TMEM74: variants seen among roughly 807,000 people sequenced by gnomAD.
The protein encoded by TMEM74 is transmembrane protein 74.
In TMEM74, 13 loss-of-function variants were observed where a neutral mutation model predicts 18.1. That is an observed-to-expected ratio of 0.72 (90% CI 0.47 to 1.14). The LOEUF (loss-of-function observed/expected upper bound fraction) is 1.14, where lower values mean the gene tolerates loss of function less well. TMEM74 is among the 50% of genes most tolerant of loss of function. TMEM74 has a pLI of 0.00. For missense variants in TMEM74, 372 were observed against 375.9 expected (o/e 0.99, Z 0.09); for synonymous variants, 159 against 146.6 (o/e 1.08, Z -0.61).
intron 1 of TMEM74, among the ~76,000 whole-genome samples, chr8:108,717,458 G>C (rs558231964): frequency 9.2e-5 from 14 of 152,058 alleles, no homozygotes; most frequent in Non-Finnish European, 1.6e-4. Flanking sequence ...GAGACCAAAA[G>C]GACAAAAATC....
chr8:108,756,810 AAGG>A (rs1813980916), intron 1 of TMEM74, among the ~76,000 whole-genome samples: 1 of 150,164 alleles, frequency 6.7e-6, no homozygotes, highest in Non-Finnish European at 1.5e-5. Flanking sequence ...GGAAGGAAGG[AAGG>A]AAGGAAGGAA....
intron 1 of TMEM74, among the ~76,000 whole-genome samples, chr8:108,755,822 T>A (rs1813953792): frequency 6.6e-6 from 1 of 152,046 alleles, no homozygotes. Context: ...TTAATAACAA[T>A]GTAAATTTAT....
chr8:108,786,502 T>C (rs940630681), intron 1 of TMEM74, among the ~76,000 whole-genome samples: 2 of 152,126 alleles, frequency 1.3e-5, no homozygotes, highest in African/African-American at 4.8e-5. Flanking sequence ...ACTCAAAATA[T>C]GGGAGAGGGA....
At chr8:108,730,677 G>C (rs1192006711) in intron 1 of TMEM74, among the ~76,000 whole-genome samples, 1 of 142,682 alleles carries the variant, frequency 7.0e-6, no homozygotes, top group Non-Finnish European at 1.5e-5. Flanking sequence ...TCTGTCACCA[G>C]GTTGGAATGC....
At chr8:108,710,134 A>G (rs775737559) in intron 1 of TMEM74, among the ~76,000 whole-genome samples, 5 of 152,268 alleles carry the variant, frequency 3.3e-5, no homozygotes, top group Non-Finnish European at 5.9e-5. Context: ...TGCCTAGCAC[A>G]CTGACTGGCA....
At chr8:108,746,127 T>G (rs1263304374) in intron 1 of TMEM74, among the ~76,000 whole-genome samples, 1 of 152,144 alleles carries the variant, frequency 6.6e-6, no homozygotes, top group African/African-American at 2.4e-5. Flanking sequence ...CGGCTCGTCC[T>G]GCTTCAACTC....
rs74744203 is a variant in TMEM74, at chr8:108,706,642, T to C, written n.120-51205A>G. On this transcript the variant is annotated intron_variant and non_coding_transcript_variant, in intron 1 of 3. Transcript: ENST00000518838. ...TAATTATCCTTCTATTTAAAGCTGA[T>C]GTTTATTACATTCCATTATTCATAA... 2.6e-3 allele frequency among the ~76,000 whole-genome samples: 389 copies of C among 152,338 alleles called. 2 individuals carry two copies. Among genetic ancestry groups the C allele is most frequent in the African/African-American group, 8.5e-3 (352 of 41,580 alleles).
At position 108,673,096 on chromosome 8, in the gene TMEM74, G is replaced by A. The variant is rs1181408859; in HGVS notation, n.120-17659C>T. Among the ~76,000 whole-genome samples, 3 of 152,166 alleles carry A rather than the reference G, an allele frequency of 2.0e-5. No individual in the cohort carries two copies. In the East Asian group the frequency reaches 5.8e-4, roughly 29 times the overall value. The stretch of plus-strand genomic sequence containing the variant: ...TGAAGGACATAGATTCAAATTCTAA[G>A]AAAATTGGATCCACTGTATTTCATG... On this transcript the variant is annotated intron_variant and non_coding_transcript_variant, in intron 1 of 3. Coordinates refer to the TMEM74 transcript ENST00000518838.
intron 1 of TMEM74, among the ~76,000 whole-genome samples, chr8:108,671,158 G>A (rs1372857112): frequency 5.3e-5 from 8 of 152,304 alleles, no homozygotes; most frequent in African/African-American, 1.9e-4. Context: ...GTAGGGACTG[G>A]TGATGGCCAG....
At chr8:108,777,717 A>T (rs934613424), downstream of TMEM74, among the ~76,000 whole-genome samples, 2 of 152,170 alleles carry the variant, frequency 1.3e-5, no homozygotes, top group Admixed American at 1.3e-4. Context: ...CCTACCGCTT[A>T]TTAGTTATAT....
At chr8:108,667,971 T>C (rs1812966270) in intron 1 of TMEM74, among the ~76,000 whole-genome samples, 1 of 152,188 alleles carries the variant, frequency 6.6e-6, no homozygotes, top group African/African-American at 2.4e-5. Context: ...GTGGAATAAC[T>C]CTTGATTAAA....
chr8:108,654,767 T>A (rs1336859809), intron 2 of TMEM74, among the ~76,000 whole-genome samples: 2 of 152,008 alleles, frequency 1.3e-5, no homozygotes, highest in African/African-American at 4.8e-5. Context: ...GTTTTTTTTT[T>A]TATATTCCAC....
intron 1 of TMEM74, among the ~76,000 whole-genome samples, chr8:108,734,303 A>G (rs535712844): frequency 2.6e-4 from 39 of 152,170 alleles, no homozygotes; most frequent in Non-Finnish European, 4.6e-4. Flanking sequence ...CCTTGGAGTG[A>G]GAGTCCCTCT....
intron 1 of TMEM74, among the ~76,000 whole-genome samples, chr8:108,740,012 G>T (rs1813784682): frequency 6.6e-6 from 1 of 152,100 alleles, no homozygotes; most frequent in African/African-American, 2.4e-5. Flanking sequence ...GAGAATGTGG[G>T]GGTCAAAAGG....
At chr8:108,657,529 C>T (rs1812831660) in intron 1 of TMEM74, among the ~76,000 whole-genome samples, 1 of 151,658 alleles carries the variant, frequency 6.6e-6, no homozygotes, top group Admixed American at 6.6e-5. Flanking sequence ...TGAAAACAAC[C>T]CCAAACCCCA....
chr8:108,769,388 G>A (rs927159161), intron 1 of TMEM74, among the ~76,000 whole-genome samples: 1 of 152,002 alleles, frequency 6.6e-6, no homozygotes. Flanking sequence ...CTTTGCAACT[G>A]AGAATTTCTC....
chr8:108,626,095 C>T (rs1385346246), intron 2 of TMEM74, among the ~76,000 whole-genome samples: 1 of 152,012 alleles, frequency 6.6e-6, no homozygotes, highest in Admixed American at 6.6e-5. Context: ...TAGTTAGATT[C>T]ACTGATGACT....
chr8:108,633,785 C>T (rs1007280118), intron 2 of TMEM74, among the ~76,000 whole-genome samples: 3 of 152,110 alleles, frequency 2.0e-5, no homozygotes, highest in East Asian at 1.9e-4. Flanking sequence ...TGTTCCTTGC[C>T]TTGTTTCAGT....
At chr8:108,756,743 A>G (rs1451076822) in intron 1 of TMEM74, among the ~76,000 whole-genome samples, 1 of 50,798 alleles carries the variant, frequency 2.0e-5, no homozygotes, top group Non-Finnish European at 4.0e-5. Flanking sequence ...AGAGAAAGAA[A>G]GAAGGGAGGG....
Sources: allele counts gnomAD v4.1 joint callset (sites outside exome capture counted in the v4.1 genomes callset), GRCh38; gene constraint gnomAD v4.1.1; transcripts MANE v1.5; gene names NCBI Gene and HGNC (gene_info 2026-07-23, HGNC 2026-07-21).